The following SLC22A16 variants were observed in gnomAD, a reference collection of about 807,000 sequenced individuals.
SLC22A16 encodes the protein solute carrier family 22 member 16.
SLC22A16 carries 53 observed loss-of-function variants against 52.9 expected under a neutral mutation model. That is an observed-to-expected ratio of 1.00 (90% CI 0.80 to 1.26). The LOEUF (loss-of-function observed/expected upper bound fraction) is 1.26, where lower values mean the gene tolerates loss of function less well. Ranked by LOEUF, SLC22A16 falls within the 50% of genes most tolerant of loss-of-function variation. The probability of loss-of-function intolerance (pLI) is 0.00; values close to 1 mark genes in which losing one functional copy is unlikely to be tolerated. For synonymous variants in SLC22A16, 291 were observed against 268.8 expected, an observed-to-expected ratio of 1.08 and a Z score of -0.81; for missense variants, 726 against 704.0, an observed-to-expected ratio of 1.03 and a Z score of -0.35.
intron 1 of SLC22A16, among the ~76,000 whole-genome samples, chr6:110,460,741 T>A (rs1403331469): frequency 6.6e-6 from 1 of 152,106 alleles, no homozygotes. Context: ...TTTGTGATAT[T>A]GTATCACCAG....
intron 1 of SLC22A16, among the ~76,000 whole-genome samples, chr6:110,464,686 G>A (rs976269988): frequency 3.3e-5 from 5 of 151,842 alleles, no homozygotes; most frequent in African/African-American, 4.8e-5. Context: ...AGGACCAGAC[G>A]GATTCACAGT....
chr6:110,454,811 T>TATATATAATATATATTATAATATATATA (rs1775557869), intron 2 of SLC22A16, among the ~76,000 whole-genome samples: 1 of 19,374 alleles, frequency 5.2e-5, no homozygotes, highest in African/African-American at 3.2e-4. Flanking sequence ...ATATATATAT[T>TATATATAATATATATTATAATATATATA]ATATATGTTA....
rs74566342 is a variant in SLC22A16 at position 110,435,998 on chromosome 6, G to C, written c.1312-37C>G. 7.8e-3 allele frequency: 10,254 copies of C among 1,309,852 alleles called. 60 individuals are homozygous for C. Among genetic ancestry groups the C allele is most frequent in the Non-Finnish European group, 9.6e-3 (8,824 of 914,408 alleles). The allele number at this position is 1,309,852 out of a possible 1,614,324, so 81.1% of individuals were successfully genotyped here. A position where few individuals can be genotyped will look rare whatever the true frequency, so the allele number is the denominator to read the frequency against. On this transcript the variant is annotated intron_variant, in intron 5 of 7. Transcript: ENST00000368919. Reference sequence around the variant, plus strand: ...TTAGCAGAATAGATCATCACAAGTGGTATTTTTAAAGGAAAATAGAAAATC... The same window carrying C: ...TTAGCAGAATAGATCATCACAAGTGCTATTTTTAAAGGAAAATAGAAAATC...
chr6:110,452,621 G>T (rs951274804), intron 2 of SLC22A16, among the ~76,000 whole-genome samples: 3 of 152,124 alleles, frequency 2.0e-5, no homozygotes, highest in Admixed American at 1.3e-4. Context: ...AATTGCTTGA[G>T]CCCAGGAGTT....
Position 110,456,988 on chromosome 6 carries a change from G to C in SLC22A16, c.83C>G (p.Ala28Gly). ...RFQRVLYFICAFQNISCGIHY... is the reference protein window; with the variant it reads ...RFQRVLYFICGFQNISCGIHY... ...AATACCACAAGAGATGTTCTGGAAG[G>C]CACATATGAAATAGAGGACTCTCTG... Residue 28 changes from alanine to glycine, a missense_variant, in exon 2 of 8, where the codon GCC becomes GGC. Physicochemically the swap from Ala to Gly is moderately conservative, Grantham distance 60. Transcript: ENST00000368919. 6.4e-7 allele frequency: 1 copy of C among 1,554,260 alleles called. No homozygotes were observed. The highest frequency in any genetic ancestry group is 8.7e-7 in the Non-Finnish European group (1 of 1,152,142).
At chr6:110,462,973 C>G (rs1352158909) in intron 1 of SLC22A16, among the ~76,000 whole-genome samples, 1 of 150,288 alleles carries the variant, frequency 6.7e-6, no homozygotes, top group Non-Finnish European at 1.5e-5. Context: ...CTATTTATAG[C>G]CTTCTTAAAG....
chr6:110,458,261 C>T (rs1775743802), intron 1 of SLC22A16, among the ~76,000 whole-genome samples: 1 of 152,192 alleles, frequency 6.6e-6, no homozygotes. Flanking sequence ...ACACTCTTTA[C>T]CCTGCCCCCA....
intron 7 of SLC22A16, among the ~76,000 whole-genome samples, chr6:110,430,856 C>A (rs1774468730): frequency 1.3e-5 from 2 of 152,214 alleles, no homozygotes; most frequent in South Asian, 4.1e-4. Flanking sequence ...GGGGCAGATG[C>A]CCTGAGGAGG....
At chr6:110,453,398 C>T (rs542000301) in intron 2 of SLC22A16, among the ~76,000 whole-genome samples, 1 of 152,222 alleles carries the variant, frequency 6.6e-6, no homozygotes, top group Non-Finnish European at 1.5e-5. Flanking sequence ...CTCTCAGGCC[C>T]AAGATGAGGG....
intron 4 of SLC22A16, among the ~76,000 whole-genome samples, chr6:110,439,507 A>G (rs1774880807): frequency 6.6e-6 from 1 of 150,718 alleles, no homozygotes; most frequent in South Asian, 2.1e-4. Context: ...AAAAAAGAGT[A>G]AATCTTTTTT....
chr6:110,439,518 T>G (rs913987745), intron 4 of SLC22A16, among the ~76,000 whole-genome samples: 4 of 151,854 alleles, frequency 2.6e-5, no homozygotes, highest in Non-Finnish European at 5.9e-5. Context: ...AATCTTTTTT[T>G]CTTAAAACGA....
At chr6:110,441,001 G>T (rs1774943306) in intron 4 of SLC22A16, among the ~76,000 whole-genome samples, 1 of 152,194 alleles carries the variant, frequency 6.6e-6, no homozygotes, top group African/African-American at 2.4e-5. Context: ...AATTTATGGT[G>T]AAGCTTGGGT....
At position 110,442,733 on chromosome 6, in the gene SLC22A16, C is replaced by G. The variant is rs1775026365; in HGVS notation, c.694G>C (p.Glu232Gln). The change falls in exon 4 of 8, where the codon GAA (glutamate) becomes CAA (glutamine). Residue 232 changes from glutamate (E) to glutamine (Q), a missense_variant. Transcript: ENST00000368919. Reference sequence around the variant, plus strand: ...GTCCGAGACTTCATGCCAATGAATTCCATCACATAGACAAACCCCACCACA... The same window carrying G: ...GTCCGAGACTTCATGCCAATGAATTGCATCACATAGACAAACCCCACCACA... ...YLVVGFVYVM[E>Q]FIGMKSRTWA... The G allele has an allele frequency of 6.2e-7, 1 of 1,614,046 alleles. No homozygotes were observed. Among genetic ancestry groups the G allele is most frequent in the East Asian group, 2.2e-5 (1 of 44,882 alleles).
chr6:110,469,755 TA>T (rs888598764), intron 1 of SLC22A16, among the ~76,000 whole-genome samples: 1 of 151,654 alleles, frequency 6.6e-6, no homozygotes, highest in African/African-American at 2.4e-5. Context: ...TAATTTTTTG[TA>T]AAATCAAGCA....
chr6:110,473,079 A>G (rs17071728), intron 1 of SLC22A16, among the ~76,000 whole-genome samples: 17,992 of 152,136 alleles, frequency 0.12, 1,368 homozygotes, highest in East Asian at 0.28. Context: ...TCCTCATCTA[A>G]ACTATGGGCT....
chr6:110,475,899 G>A (rs762282727), intron 1 of SLC22A16: 4 of 456,460 alleles, frequency 8.8e-6, no homozygotes, highest in East Asian at 6.9e-5. Context: ...CCTTGACCCC[G>A]CCAGCTTGTT....
At chr6:110,428,792 C>T (rs115033387) in intron 7 of SLC22A16, among the ~76,000 whole-genome samples, 2,734 of 152,222 alleles carry the variant, frequency 0.018, 71 homozygotes, top group African/African-American at 0.063. Flanking sequence ...TGGTGGCGCA[C>T]GCCTGTAGTC....
chr6:110,465,955 C>G (rs1295876537), intron 1 of SLC22A16, among the ~76,000 whole-genome samples: 1 of 152,024 alleles, frequency 6.6e-6, no homozygotes. Flanking sequence ...GCCAATGGAA[C>G]AAAATAGAGA....
intron 2 of SLC22A16, among the ~76,000 whole-genome samples, chr6:110,454,669 A>T (rs1240818550): frequency 1.3e-5 from 1 of 75,438 alleles, no homozygotes; most frequent in Non-Finnish European, 2.2e-5. Context: ...ATATATATTT[A>T]TATATATTAT....
Sources: allele counts gnomAD v4.1 joint callset (sites outside exome capture counted in the v4.1 genomes callset), GRCh38; gene constraint gnomAD v4.1.1; transcripts MANE v1.5; gene names NCBI Gene and HGNC (gene_info 2026-07-23, HGNC 2026-07-21).